HACL1: variants seen among roughly 807,000 people sequenced by gnomAD.
HACL1 encodes 1600020H07Rik.
A neutral mutation model predicts 74.2 loss-of-function variants in HACL1; 64 were observed. The ratio of observed to expected loss-of-function variants is 0.86; its 90% CI spans 0.70 to 1.06. The LOEUF is 1.06. Among genes scored for constraint, HACL1 ranks in the 50% least tolerant of loss-of-function variants. The pLI, the probability that HACL1 is intolerant of heterozygous loss-of-function variation, is 0.00. For missense variants in HACL1, 728 were observed against 719.7 expected, an observed-to-expected ratio of 1.01 and a Z score of -0.13; for synonymous variants, 230 against 238.8, an observed-to-expected ratio of 0.96 and a Z score of 0.34.
At chr3:15,575,924 G>A (rs923317747) in intron 9 of HACL1, among the ~76,000 whole-genome samples, 1 of 151,814 alleles carries the variant, frequency 6.6e-6, no homozygotes, top group African/African-American at 2.4e-5. Context: ...TTGGGAGGCA[G>A]AGATAGGTGG....
intron 12 of HACL1, 30 bp from the exon 13 acceptor site, chr3:15,568,616 T>C: frequency 8.2e-7 from 1 of 1,224,006 alleles, no homozygotes; most frequent in African/African-American, 1.5e-5. Context: ...ATAATCAAAT[T>C]AAATTGGGAT....
At chr3:15,567,416 C>G (rs2063456186) in intron 14 of HACL1, among the ~76,000 whole-genome samples, 2 of 146,678 alleles carry the variant, frequency 1.4e-5, no homozygotes, top group Admixed American at 6.8e-5. Flanking sequence ...GATGGGATTT[C>G]ACCATTTTGG....
At chr3:15,577,156 T>C (rs2063640026) in intron 9 of HACL1, among the ~76,000 whole-genome samples, 1 of 152,124 alleles carries the variant, frequency 6.6e-6, no homozygotes, top group African/African-American at 2.4e-5. Flanking sequence ...TAGCATTAAG[T>C]GAGGAACAAT....
chr3:15,568,637 T>TA (rs762338863), intron 12 of HACL1, 51 bp from the exon 13 acceptor site: 1 of 989,784 alleles, frequency 1.0e-6, no homozygotes, highest in Non-Finnish European at 1.5e-6. Flanking sequence ...ACAATGAAAA[T>TA]AACCAATGTT....
chr3:15,586,372 A>G (rs1165166060), intron 6 of HACL1, among the ~76,000 whole-genome samples, 153 bp downstream of exon 6: 2 of 152,184 alleles, frequency 1.3e-5, no homozygotes, highest in Non-Finnish European at 2.9e-5. Context: ...GACAGTGAAC[A>G]CTAAAATGTA....
intron 9 of HACL1, among the ~76,000 whole-genome samples, chr3:15,575,626 T>C (rs1345018149): frequency 6.6e-6 from 1 of 152,096 alleles, no homozygotes; most frequent in Non-Finnish European, 1.5e-5. Context: ...CACTGCATCC[T>C]CTCCTCTCAG....
intron 10 of HACL1, among the ~76,000 whole-genome samples, chr3:15,573,792 C>A (rs1024290745): frequency 1.2e-4 from 19 of 152,208 alleles, no homozygotes; most frequent in African/African-American, 4.1e-4. Context: ...AAGAACATGG[C>A]ACGATTACTT....
chr3:15,575,438 TAA>T (rs1425850979), intron 9 of HACL1, among the ~76,000 whole-genome samples: 2 of 152,238 alleles, frequency 1.3e-5, no homozygotes, highest in Non-Finnish European at 2.9e-5. Flanking sequence ...TTTCAACTTA[TAA>T]ACTATTATGA....
At chr3:15,601,299 C>G in intron 1 of HACL1, 84 bp downstream of exon 1, 1 of 1,589,034 alleles carries the variant, frequency 6.3e-7, no homozygotes, top group South Asian at 1.1e-5. Context: ...ACCCCCATCG[C>G]CCATTTCTAC....
intron 12 of HACL1, among the ~76,000 whole-genome samples, chr3:15,568,980 T>C (rs2063479332): frequency 6.6e-6 from 1 of 152,252 alleles, no homozygotes; most frequent in African/African-American, 2.4e-5. Flanking sequence ...TATTCCAGAA[T>C]ATTTTCATCT....
chr3:15,583,692 C>CT (rs11401201), intron 7 of HACL1, among the ~76,000 whole-genome samples: 4,001 of 145,962 alleles, frequency 0.027, 188 homozygotes, highest in African/African-American at 0.093. Context: ...GAGTCTTACT[C>CT]TGTCACCCAG....
At chr3:15,564,735 C>T in intron 14 of HACL1, 77 bp from the exon 15 acceptor site, 1 of 631,304 alleles carries the variant, frequency 1.6e-6, no homozygotes, top group Non-Finnish European at 2.8e-6. Context: ...GAAACTTTAA[C>T]TTAAAAATGA....
Position 15,593,158 on chromosome 3 carries a change from C to CAT in HACL1, c.228-1480_228-1479dup, listed in dbSNP as rs1427130526. On this transcript the variant is annotated intron_variant, in intron 3 of 16. Transcript: ENST00000321169. ...ATATGTATATATACACACATACACA[C>CAT]ATACGTATATATGTGTGTATATATA... Among the ~76,000 whole-genome samples the CAT allele has an allele frequency of 6.8e-3, 1,007 of 148,754 alleles. 12 individuals are homozygous for CAT. The highest frequency in any genetic ancestry group is 0.024 in the African/African-American group (953 of 39,778).
At chr3:15,570,319 G>A (rs1265751084) in intron 12 of HACL1, among the ~76,000 whole-genome samples, 1 of 150,930 alleles carries the variant, frequency 6.6e-6, no homozygotes, top group Non-Finnish European at 1.5e-5. Flanking sequence ...CTCTAGCCTG[G>A]CGACAGAGTG....
chr3:15,585,436 T>G (rs1235858195), intron 6 of HACL1, 94 bp from the exon 7 acceptor site: 2 of 742,050 alleles, frequency 2.7e-6, no homozygotes, highest in Non-Finnish European at 4.7e-6. Flanking sequence ...ATGAACACTT[T>G]TCATTTTTCT....
At chr3:15,570,585 T>TA (rs142953166) in intron 12 of HACL1, among the ~76,000 whole-genome samples, 11,630 of 147,352 alleles carry the variant, frequency 0.079, 488 homozygotes, top group African/African-American at 0.11. Context: ...CACAAAACAA[T>TA]AAAAAAAAAC....
chr3:15,591,967 GTA>G (rs766032136), intron 3 of HACL1, among the ~76,000 whole-genome samples: 11 of 148,024 alleles, frequency 7.4e-5, no homozygotes, highest in South Asian at 2.1e-4. Context: ...TATACATAGT[GTA>G]TATATATACA....
chr3:15,594,675 T>C (rs1191657615), intron 3 of HACL1, among the ~76,000 whole-genome samples: 1 of 152,222 alleles, frequency 6.6e-6, no homozygotes, highest in Non-Finnish European at 1.5e-5. Context: ...ACTGACATGG[T>C]TACTGAGCAC....
chr3:15,579,649 A>C (rs1037127203), intron 9 of HACL1, among the ~76,000 whole-genome samples: 1 of 152,198 alleles, frequency 6.6e-6, no homozygotes. Context: ...CATCATACTT[A>C]AACTGCTGAA....
Sources: gnomAD v4.1 joint callset for allele counts (sites outside exome capture counted in the v4.1 genomes callset) on GRCh38, gnomAD v4.1.1 for gene constraint, MANE v1.5 for transcripts, NCBI Gene and HGNC (gene_info 2026-07-23, HGNC 2026-07-21) for gene names.